Variants in ZDHHC8 observed in about 807,000 individuals in gnomAD.
ZDHHC8 encodes the protein palmitoyltransferase ZDHHC8.
In ZDHHC8, 24 loss-of-function variants were observed where a neutral mutation model predicts 61.2. That is an observed-to-expected ratio of 0.39 (90% CI 0.28 to 0.55). The LOEUF is 0.55. Ranked by LOEUF, ZDHHC8 falls within the 20% of genes least tolerant of loss-of-function variation. ZDHHC8 has a pLI of 0.60. For missense variants in ZDHHC8, 935 were observed against 1,102.1 expected (o/e 0.85, Z 2.15); for synonymous variants, 523 against 492.5 (o/e 1.06, Z -0.82).
At chr22:20,143,974 T>C (rs982305115) in intron 10 of ZDHHC8, among the ~76,000 whole-genome samples, 16 of 152,004 alleles carry the variant, frequency 1.1e-4, no homozygotes, top group African/African-American at 3.6e-4. Context: ...GGGGACAGGG[T>C]ATGAGAATTT....
rs763689927 is a variant in ZDHHC8, at chr22:20,140,100, G to T, written c.558-15G>T. ...TGCGGTGTCCTGGCCTGCACCGTTGGCCTTAACGGGCTAGCATGGCTGTCA... is the reference window on the plus strand; with the variant it reads ...TGCGGTGTCCTGGCCTGCACCGTTGTCCTTAACGGGCTAGCATGGCTGTCA... On this transcript the variant is annotated splice_polypyrimidine_tract_variant and intron_variant, in intron 4 of 10. Coordinates refer to ENST00000334554, the MANE Select transcript of ZDHHC8 (RefSeq NM_013373.4). 1.2e-6 allele frequency: 2 copies of T among 1,613,446 alleles called. No individual in the cohort carries two copies. Among genetic ancestry groups the T allele is most frequent in the Non-Finnish European group, 1.7e-6 (2 of 1,179,894 alleles).
intron 10 of ZDHHC8, among the ~76,000 whole-genome samples, chr22:20,144,287 G>A (rs1418232168): frequency 6.6e-6 from 1 of 152,190 alleles, no homozygotes. Context: ...TTCCCTGCTC[G>A]TAGGTGGGGA....
In ZDHHC8 at chr22:20,145,320, C is replaced by A. The variant is rs770302814; in HGVS notation, c.2218C>A (p.Pro740Thr). 1.3e-5 allele frequency: 21 copies of A among 1,598,544 alleles called. No homozygotes were observed. The highest frequency in any genetic ancestry group is 1.8e-5 in the Non-Finnish European group (21 of 1,173,784). Residue 740 changes from proline to threonine, a missense_variant, in exon 11 of 11, where the codon CCC becomes ACC. Pro to Thr is a conservative substitution (Grantham distance 38, BLOSUM62 -1). This residue lies in a region of ZDHHC8 where 692 missense variants were observed against 731.4 expected (regional missense o/e 0.95). Coordinates refer to ENST00000334554, the MANE Select transcript of ZDHHC8 (RefSeq NM_013373.4). ...RLGPATGPPG[P>T]SASPTRHTLV... The stretch of plus-strand genomic sequence containing the variant: ...GGGACCTGCCACCGGCCCCCCAGGG[C>A]CCTCTGCCAGCCCTACACGGCACAC...
At chr22:20,138,106 G>C (rs373387469) in intron 1 of ZDHHC8, among the ~76,000 whole-genome samples, 1 of 152,282 alleles carries the variant, frequency 6.6e-6, no homozygotes, top group Admixed American at 6.5e-5. Flanking sequence ...CCAGGCGGGC[G>C]TGGGTGCAGC....
chr22:20,134,336 ACTC>A (rs1366284163), intron 1 of ZDHHC8, among the ~76,000 whole-genome samples: 1 of 150,914 alleles, frequency 6.6e-6, no homozygotes, highest in Non-Finnish European at 1.5e-5. Flanking sequence ...CCTCTGCTGA[ACTC>A]CTCCGAGACT....
At chr22:20,137,056 T>C (rs761248707) in intron 1 of ZDHHC8, among the ~76,000 whole-genome samples, 2 of 151,874 alleles carry the variant, frequency 1.3e-5, no homozygotes, top group Non-Finnish European at 2.9e-5. Flanking sequence ...ACTGGAGGAG[T>C]GGGCAGCAGC....
chr22:20,139,758 C>T lies in ZDHHC8; in HGVS notation c.423C>T (p.Ile141=), dbSNP rs760597916. 27 of 1,612,984 alleles carry T rather than the reference C, an allele frequency of 1.7e-5. No homozygotes were observed. The highest frequency in any genetic ancestry group is 3.3e-4 in the Middle Eastern group (2 of 6,062). The change falls in exon 4 of 11, where the codon ATC becomes ATT. Residue 141 remains isoleucine, a synonymous_variant. Transcript: ENST00000334554. ...ACTGCCCCTGGGTCAACAACTGCAT[C>T]GGGCGTCGAAACTATCGCTACTTCT... The part of the protein sequence containing the change: ...DHHCPWVNNC[I]GRRNYRYFFL...
chr22:20,133,812 A>AC (rs1445051439), intron 1 of ZDHHC8, among the ~76,000 whole-genome samples: 46 of 148,412 alleles, frequency 3.1e-4, no homozygotes, highest in African/African-American at 7.5e-4. Context: ...AACCCCACAC[A>AC]CCCCCCATCT....
chr22:20,132,012 C>A lies in ZDHHC8; in HGVS notation c.65C>A (p.Ala22Glu). 2 of 1,390,688 alleles carry A rather than the reference C, an allele frequency of 1.4e-6. No homozygotes were observed. The highest frequency in any genetic ancestry group is 1.9e-6 in the Non-Finnish European group (2 of 1,056,874). 86.1% of individuals were successfully genotyped at this position (1,390,688 alleles called of 1,614,324 possible). A position where few individuals can be genotyped will look rare whatever the true frequency, so the allele number is the denominator to read the frequency against. The part of the protein sequence containing the change: ...AKYIPVATAA[A>E]LLVGSSTLFF... ...TACATCCCGGTGGCCACGGCCGCCG[C>A]GCTGCTGGTCGGCTCCAGCACCCTC... The change falls in exon 1 of 11, where the codon GCG (alanine) becomes GAG (glutamate). Residue 22 changes from alanine (A) to glutamate (E), a missense_variant. Ala to Glu is a moderately radical substitution (Grantham distance 107, BLOSUM62 -1). This residue lies in a region of ZDHHC8 where 44 missense variants were observed against 36.6 expected (regional missense o/e 1.20). Coordinates refer to ENST00000334554, the MANE Select transcript of ZDHHC8 (RefSeq NM_013373.4).
chr22:20,134,125 G>A (rs2050401297), intron 1 of ZDHHC8, among the ~76,000 whole-genome samples: 1 of 152,260 alleles, frequency 6.6e-6, no homozygotes, highest in South Asian at 2.1e-4. Flanking sequence ...GGCCTATGCT[G>A]ACCTCTGCCG....
Position 20,143,491 on chromosome 22 carries a change from A to G in ZDHHC8, c.1861A>G (p.Asn621Asp), listed in dbSNP as rs2050493980. ...TGGGCCCGGCTTCGGTGGCGCCCGC[A>G]ACCCTGCCCTGCAGACGTCACTGTC... ...VAGPGFGGAR[N>D]PALQTSLSSL... The change falls in exon 10 of 11, where the codon AAC becomes GAC. Residue 621 changes from asparagine (N) to aspartate (D), a missense_variant. By Grantham distance (23) the Asn-to-Asp change is conservative. Around this residue, in one of 3 missense-constraint regions of ZDHHC8, gnomAD observed 692 missense variants for 731.4 expected, o/e 0.95. Transcript: ENST00000334554. 2 of 1,600,594 alleles carry G rather than the reference A, an allele frequency of 1.2e-6. No individual in the cohort carries two copies. The highest frequency in any genetic ancestry group is 3.3e-5 in the Admixed American group (2 of 59,894).
At position 20,147,575 on chromosome 22, in the gene ZDHHC8, G is replaced by C. The variant is rs1037733779; in HGVS notation, c.*2175G>C. On this transcript the variant is annotated 3_prime_UTR_variant, in exon 11 of 11. Transcript: ENST00000334554. ...AGGCCTCCGTGGGTTGGGCTGGGTG[G>C]GGGGGGGGTCTCAGGTTGCCCCTGA... 4.2e-5 allele frequency: 9 copies of C among 215,020 alleles called. No homozygotes were observed. Among genetic ancestry groups the C allele is most frequent in the African/African-American group, 7.8e-5 (3 of 38,692 alleles). 13.3% of individuals were successfully genotyped at this position (215,020 alleles called of 1,614,324 possible). A position where few individuals can be genotyped will look rare whatever the true frequency, so the allele number is the denominator to read the frequency against.
At chr22:20,135,743 C>T (rs896496404) in intron 1 of ZDHHC8, among the ~76,000 whole-genome samples, 1 of 152,232 alleles carries the variant, frequency 6.6e-6, no homozygotes, top group Non-Finnish European at 1.5e-5. Flanking sequence ...CCTCAGTTTC[C>T]CCATCTGTCC....
intron 10 of ZDHHC8, among the ~76,000 whole-genome samples, chr22:20,144,861 A>G (rs1469728654): frequency 6.6e-6 from 1 of 152,216 alleles, no homozygotes; most frequent in East Asian, 1.9e-4. Context: ...GAATGAGGCC[A>G]GGCAGAGTGG....
At position 20,145,768 on chromosome 22, in the gene ZDHHC8, G is replaced by A. The variant is rs2050516721; in HGVS notation, c.*368G>A. 1 of 996,728 alleles carries A rather than the reference G, an allele frequency of 1.0e-6. No individual in the cohort carries two copies. Among genetic ancestry groups the A allele is most frequent in the Non-Finnish European group, 1.2e-6 (1 of 837,594 alleles). 61.7% of individuals were successfully genotyped at this position (996,728 alleles called of 1,614,324 possible). A position where few individuals can be genotyped will look rare whatever the true frequency, so the allele number is the denominator to read the frequency against. ...GATCACCGCCAGGCCAGCCCCCAAT[G>A]GTCCCCTTACGGACAGGTCCCAGAG... On this transcript the variant is annotated 3_prime_UTR_variant, in exon 11 of 11. Coordinates refer to ENST00000334554, the MANE Select transcript of ZDHHC8 (RefSeq NM_013373.4).
In ZDHHC8 at chr22:20,142,635, T is replaced by C. The variant is rs1221690732; in HGVS notation, c.1126-121T>C. Reference sequence around the variant, plus strand: ...GGGCCATGGGTCACTATGTGGCTCTTATGGCTCCTTGAGGCCCAGTTCCTG... The same window carrying C: ...GGGCCATGGGTCACTATGTGGCTCTCATGGCTCCTTGAGGCCCAGTTCCTG... On this transcript the variant is annotated intron_variant, in intron 9 of 10. Coordinates refer to ENST00000334554, the MANE Select transcript of ZDHHC8 (RefSeq NM_013373.4). The C allele has an allele frequency of 4.5e-6, 6 of 1,326,696 alleles. No individual in the cohort carries two copies. In the East Asian group the frequency reaches 1.2e-4, roughly 27 times the overall value. The allele number at this position is 1,326,696 out of a possible 1,614,324, so 82.2% of individuals were successfully genotyped here. A position where few individuals can be genotyped will look rare whatever the true frequency, so the allele number is the denominator to read the frequency against.
intron 9 of ZDHHC8, 31 bp downstream of exon 9, chr22:20,141,561 C>T (rs974829971): frequency 4.1e-5 from 64 of 1,565,132 alleles, no homozygotes; most frequent in Non-Finnish European, 5.4e-5. Flanking sequence ...CCCTGGCAGG[C>T]CTCGTCCCCC....
chr22:20,143,822 C>CCTCTTGGCTGGGCA, intron 10 of ZDHHC8, 66 bp downstream of exon 10: 1 of 1,507,784 alleles, frequency 6.6e-7, no homozygotes, highest in East Asian at 2.4e-5. Flanking sequence ...CTCCAGGGCC[C>CCTCTTGGCTGGGCA]CTCTTGGCTG....
In ZDHHC8 at chr22:20,145,209, A is replaced by C; in HGVS notation, c.2127-20A>C. The C allele has an allele frequency of 6.8e-7, 1 of 1,467,522 alleles. No homozygotes were observed. The highest frequency in any genetic ancestry group is 2.6e-5 in the East Asian group (1 of 39,078). The allele number at this position is 1,467,522 out of a possible 1,614,324, so 90.9% of individuals were successfully genotyped here. A position where few individuals can be genotyped will look rare whatever the true frequency, so the allele number is the denominator to read the frequency against. On this transcript the variant is annotated intron_variant, in intron 10 of 10. Transcript: ENST00000334554. ...GTGTGTTCACCGTGTGCATGTGTGT[A>C]TGTGCTTGTTTTGATGCAGGGACCA... is the stretch of plus-strand genomic sequence containing the variant.
Sources: gnomAD v4.1 joint callset for allele counts (sites outside exome capture counted in the v4.1 genomes callset) on GRCh38, gnomAD v4.1.1 for gene constraint, gnomAD v4.1.1 regional missense constraint, MANE v1.5 for transcripts, NCBI Gene and HGNC (gene_info 2026-07-23, HGNC 2026-07-21) for gene names.